The following SH3GL3 variants were observed in gnomAD, a reference collection of about 807,000 sequenced individuals.
SH3GL3 encodes the protein endophilin-A3.
SH3GL3 carries 33 observed loss-of-function variants against 47.7 expected under a neutral mutation model. The observed-to-expected ratio is 0.69, with a 90% CI of 0.52 to 0.92. The LOEUF is 0.92. SH3GL3 is among the 40% of genes least tolerant of loss of function. SH3GL3 has a pLI of 0.00. For synonymous variants in SH3GL3, 155 were observed against 148.8 expected, an observed-to-expected ratio of 1.04 and a Z score of -0.30; for missense variants, 363 against 417.8, an observed-to-expected ratio of 0.87 and a Z score of 1.14.
intron 1 of SH3GL3, among the ~76,000 whole-genome samples, chr15:83,492,722 C>T (rs946078983): frequency 5.9e-5 from 9 of 152,352 alleles, no homozygotes; most frequent in African/African-American, 2.2e-4. Flanking sequence ...TTCCTTCCCT[C>T]TATCCCCCAG....
chr15:83,527,099 G>A (rs1216921407), intron 1 of SH3GL3, among the ~76,000 whole-genome samples: 1 of 152,096 alleles, frequency 6.6e-6, no homozygotes, highest in Non-Finnish European at 1.5e-5. Flanking sequence ...AGATCTTAGA[G>A]TTTTTTGGTG....
intron 5 of SH3GL3, among the ~76,000 whole-genome samples, chr15:83,576,227 T>A (rs966983116): frequency 2.0e-5 from 3 of 152,224 alleles, no homozygotes; most frequent in Non-Finnish European, 4.4e-5. Context: ...TTTTGTTTGG[T>A]TAACCTGGTT....
chr15:83,588,996 C>T (rs1420664733), intron 8 of SH3GL3, among the ~76,000 whole-genome samples: 1 of 152,080 alleles, frequency 6.6e-6, no homozygotes, highest in Non-Finnish European at 1.5e-5. Flanking sequence ...GGCCATAGAA[C>T]CATTATGGCT....
chr15:83,478,854 T>A (rs1450614836), intron 1 of SH3GL3, among the ~76,000 whole-genome samples: 1 of 152,250 alleles, frequency 6.6e-6, no homozygotes, highest in African/African-American at 2.4e-5. Context: ...AATAAACGTG[T>A]AATAAATGCT....
At chr15:83,490,719 C>G in intron 1 of SH3GL3, 2 of 1,534,936 alleles carry the variant, frequency 1.3e-6, no homozygotes, top group South Asian at 2.5e-5. Flanking sequence ...AGGGCAATAT[C>G]ATCCTTTGGA....
At chr15:83,458,317 C>T (rs2040099192) in intron 1 of SH3GL3, among the ~76,000 whole-genome samples, 1 of 152,124 alleles carries the variant, frequency 6.6e-6, no homozygotes, top group African/African-American at 2.4e-5. Context: ...ATGGGAATTC[C>T]TTCCCAATTT....
intron 6 of SH3GL3, among the ~76,000 whole-genome samples, chr15:83,585,513 A>G (rs189957172): frequency 1.9e-3 from 296 of 152,354 alleles, no homozygotes; most frequent in African/African-American, 6.8e-3. Context: ...AGATTTTGCC[A>G]AGCACACCAC....
At chr15:83,576,817 T>C (rs1596296333) in intron 6 of SH3GL3, 76 bp downstream of exon 6, 3 of 1,073,028 alleles carry the variant, frequency 2.8e-6, no homozygotes, top group East Asian at 5.1e-5. Flanking sequence ...ATCGGCATGT[T>C]GAAAAACTCT....
chr15:83,561,353 CTTAGT>C (rs138464806), intron 2 of SH3GL3, among the ~76,000 whole-genome samples: 4,770 of 152,036 alleles, frequency 0.031, 251 homozygotes, highest in African/African-American at 0.11. Flanking sequence ...AAAAATAATT[CTTAGT>C]TTAAAGAGGA....
intron 1 of SH3GL3, among the ~76,000 whole-genome samples, chr15:83,555,966 C>T (rs1380314476): frequency 1.3e-5 from 2 of 152,062 alleles, no homozygotes; most frequent in Non-Finnish European, 2.9e-5. Flanking sequence ...TTAATTTATC[C>T]TTGCTATGTA....
chr15:83,579,769 T>G (rs1419060027), intron 6 of SH3GL3, among the ~76,000 whole-genome samples: 1 of 152,160 alleles, frequency 6.6e-6, no homozygotes, highest in Non-Finnish European at 1.5e-5. Context: ...GATGATTGTT[T>G]AGGCTTCAGA....
intron 8 of SH3GL3, among the ~76,000 whole-genome samples, chr15:83,607,544 A>G (rs2060550227): frequency 6.6e-6 from 1 of 152,208 alleles, no homozygotes; most frequent in Non-Finnish European, 1.5e-5. Context: ...TTCAACAACT[A>G]GAAAACACTT....
chr15:83,550,868 T>TA (rs1425848798), intron 1 of SH3GL3, among the ~76,000 whole-genome samples: 2 of 152,214 alleles, frequency 1.3e-5, no homozygotes, highest in Non-Finnish European at 2.9e-5. Flanking sequence ...GTGGCACACA[T>TA]ACTGGAAAAT....
chr15:83,516,106 G>A (rs189844427), intron 1 of SH3GL3, among the ~76,000 whole-genome samples: 4 of 139,936 alleles, frequency 2.9e-5, no homozygotes, highest in African/African-American at 7.8e-5. Context: ...ATGAGAGGAG[G>A]GGGGAGGGAT....
intron 1 of SH3GL3, among the ~76,000 whole-genome samples, chr15:83,532,014 G>T (rs937997635): frequency 6.6e-6 from 1 of 152,082 alleles, no homozygotes; most frequent in Admixed American, 6.6e-5. Flanking sequence ...TGACTTATTG[G>T]CTGTTTTTAA....
chr15:83,518,698 A>G (rs1567295442), intron 1 of SH3GL3, among the ~76,000 whole-genome samples: 2 of 151,738 alleles, frequency 1.3e-5, no homozygotes, highest in Non-Finnish European at 2.9e-5. Context: ...GTGTCTGTTG[A>G]CTCTGTTGAT....
chr15:83,563,724 C>T (rs111345496), intron 2 of SH3GL3, among the ~76,000 whole-genome samples: 3 of 152,004 alleles, frequency 2.0e-5, no homozygotes, highest in African/African-American at 7.2e-5. Context: ...CTGCAACCTC[C>T]ACCTTCCAGG....
At chr15:83,596,682 C>T (rs1390284432) in intron 8 of SH3GL3, among the ~76,000 whole-genome samples, 1 of 152,126 alleles carries the variant, frequency 6.6e-6, no homozygotes, top group African/African-American at 2.4e-5. Flanking sequence ...GTTGCTCAGG[C>T]TGGTCTCCAA....
intron 1 of SH3GL3, among the ~76,000 whole-genome samples, chr15:83,509,577 T>A (rs2151626552): frequency 6.6e-6 from 1 of 152,346 alleles, no homozygotes; most frequent in Non-Finnish European, 1.5e-5. Flanking sequence ...TGATAAATGC[T>A]GGTTTCTGTT....
Sources: allele counts gnomAD v4.1 joint callset (sites outside exome capture counted in the v4.1 genomes callset), GRCh38; gene constraint gnomAD v4.1.1; transcripts MANE v1.5; gene names NCBI Gene and HGNC (gene_info 2026-07-23, HGNC 2026-07-21).